Variants in HOMER2 observed in about 807,000 individuals in gnomAD.
HOMER2 encodes homer scaffold protein 2.
A neutral mutation model predicts 47.0 loss-of-function variants in HOMER2; 27 were observed. That is an observed-to-expected ratio of 0.57 (90% CI 0.42 to 0.79). HOMER2 has a LOEUF of 0.79. HOMER2 is among the 30% of genes least tolerant of loss of function. The pLI is 0.00. For missense variants in HOMER2, 443 were observed against 435.0 expected, an observed-to-expected ratio of 1.02 and a Z score of -0.16; for synonymous variants, 161 against 163.8, an observed-to-expected ratio of 0.98 and a Z score of 0.13.
chr15:82,899,101 T>C (rs1273004446), intron 1 of HOMER2, among the ~76,000 whole-genome samples: 1 of 152,202 alleles, frequency 6.6e-6, no homozygotes, highest in Admixed American at 6.5e-5. Flanking sequence ...CAGGACCAGC[T>C]CCCAGTGCTT....
In HOMER2 at chr15:82,913,379, C is replaced by T. The variant is rs990252380; in HGVS notation, c.6-20538G>A. ...TCATCTTGAAGAAGCCTGAGCTACA[C>T]GGAGAGGGTAGCTCCAGATCCTTCT... On this transcript the variant is annotated intron_variant, in intron 1 of 8. Coordinates refer to ENST00000450735, the MANE Select transcript of HOMER2 (RefSeq NM_004839.4). This position sits in a 1 kb window ranked among gnomAD's most constrained non-coding sequence, Gnocchi z 4.1. Among the ~76,000 whole-genome samples the T allele has an allele frequency of 2.6e-5, 4 of 152,028 alleles. No homozygotes were observed. The highest frequency in any genetic ancestry group is 7.2e-5 in the African/African-American group (3 of 41,396).
chr15:82,899,690 T>C (rs1479389971), intron 1 of HOMER2, among the ~76,000 whole-genome samples: 3 of 152,292 alleles, frequency 2.0e-5, no homozygotes, highest in South Asian at 2.1e-4. Flanking sequence ...ATAAAATCAG[T>C]AGCCTTCCTA....
rs576897556 is a variant in HOMER2, at chr15:82,962,091, C to A, written n.83-2783G>T. Among the ~76,000 whole-genome samples, 6 of 151,628 alleles carry A rather than the reference C, an allele frequency of 4.0e-5. No homozygotes were observed. The South Asian group carries it at 1.3e-3, about 32-fold the overall frequency. On this transcript the variant is annotated intron_variant and non_coding_transcript_variant, in intron 1 of 1. Transcript: ENST00000500334. ...CACAAACTTTTAAAAAATGTCCAGG[C>A]CGGGTGCGGTGACTCACACCCGTAA...
At chr15:82,902,383 A>G (rs779642324) in intron 1 of HOMER2, among the ~76,000 whole-genome samples, 2 of 152,026 alleles carry the variant, frequency 1.3e-5, no homozygotes, top group Non-Finnish European at 2.9e-5. Context: ...TTTTTAGTAG[A>G]GACAGGGTTT....
At chr15:82,919,575 T>C (rs112974112) in intron 1 of HOMER2, among the ~76,000 whole-genome samples, 51 of 152,336 alleles carry the variant, frequency 3.3e-4, no homozygotes, top group African/African-American at 1.1e-3. Context: ...GTTTGAGCAT[T>C]ATTTACAAAA....
At chr15:82,840,973 G>A (rs1448024823) in exon 2 of HOMER2, 1 of 151,666 alleles carries the variant, frequency 6.6e-6, no homozygotes, top group Non-Finnish European at 1.5e-5. Context: ...TTTTTAAGAA[G>A]TTAACAAACA....
rs573239590 is a variant in HOMER2 at position 82,879,675 on chromosome 15, C to T, written c.163-4271G>A. Among the ~76,000 whole-genome samples the T allele has an allele frequency of 5.3e-5, 8 of 152,254 alleles. No individual in the cohort carries two copies. The South Asian group carries it at 1.7e-3, about 32-fold the overall frequency. On this transcript the variant is annotated intron_variant, in intron 2 of 8. Transcript: ENST00000450735. ...TGCTGATGGAGGGACTTGTGTCGAT[C>T]CTGATGGTTGCTGACTGATCAGGGT...
chr15:82,929,078 T>C (rs1235142673), intron 1 of HOMER2, among the ~76,000 whole-genome samples: 4 of 151,942 alleles, frequency 2.6e-5, no homozygotes, highest in Non-Finnish European at 4.4e-5. Flanking sequence ...AATGTGGGCT[T>C]TGGGGAGCTT....
At chr15:82,955,158 T>C (rs2054576130), upstream of HOMER2, among the ~76,000 whole-genome samples, 1 of 149,992 alleles carries the variant, frequency 6.7e-6, no homozygotes, top group East Asian at 1.9e-4. Flanking sequence ...ATTTTTACTT[T>C]CTTTTTCTTT....
intron 1 of HOMER2, among the ~76,000 whole-genome samples, chr15:82,940,189 C>A (rs1031011670): frequency 7.9e-5 from 12 of 151,536 alleles, no homozygotes; most frequent in Non-Finnish European, 1.2e-4. Flanking sequence ...GCACATTGTG[C>A]ACATGTACCC....
At chr15:82,882,505 C>A (rs534162378) in intron 2 of HOMER2, among the ~76,000 whole-genome samples, 149 of 152,316 alleles carry the variant, frequency 9.8e-4, no homozygotes, top group Non-Finnish European at 1.6e-3. Flanking sequence ...CTGAAGTTTT[C>A]CCACCCACTC....
At chr15:82,894,726 G>A (rs1263322571) in intron 1 of HOMER2, among the ~76,000 whole-genome samples, 2 of 148,684 alleles carry the variant, frequency 1.3e-5, no homozygotes, top group Non-Finnish European at 3.0e-5. Flanking sequence ...GATTTAATAA[G>A]TACTTATTAG....
downstream of HOMER2, among the ~76,000 whole-genome samples, chr15:82,836,297 C>T (rs1002044851): frequency 6.6e-6 from 1 of 152,238 alleles, no homozygotes; most frequent in Non-Finnish European, 1.5e-5. Flanking sequence ...AGTCGGCCTC[C>T]AAAGCACTGC....
chr15:82,859,018 A>T lies in HOMER2; in HGVS notation c.494+11T>A. ...GGAGAAAATAGAATCTGGACTTTAAAACAGCCTTACCTCTGCGTCAAGGCA... is the reference window on the plus strand; with the variant it reads ...GGAGAAAATAGAATCTGGACTTTAATACAGCCTTACCTCTGCGTCAAGGCA... On this transcript the variant is annotated intron_variant, in intron 5 of 8. Coordinates refer to ENST00000450735, the MANE Select transcript of HOMER2 (RefSeq NM_004839.4). The T allele has an allele frequency of 6.2e-7, 1 of 1,607,740 alleles. No individual in the cohort carries two copies.
At chr15:82,983,420 C>G (rs1413660793) in intron 1 of HOMER2, among the ~76,000 whole-genome samples, 1 of 152,166 alleles carries the variant, frequency 6.6e-6, no homozygotes, top group Non-Finnish European at 1.5e-5. Context: ...GTATTTCTAA[C>G]AACTCCCTGG....
In HOMER2 at chr15:82,849,555, C is replaced by G; in HGVS notation, c.*160G>C. On this transcript the variant is annotated 3_prime_UTR_variant, in exon 9 of 9. Transcript: ENST00000450735. ...AGGCCAGAGAAGCGAGAGGAGATTT[C>G]TATTCTGAAAAGGAGTGAGTGGACG... 1 of 622,394 alleles carries G rather than the reference C, an allele frequency of 1.6e-6. No homozygotes were observed. Among genetic ancestry groups the G allele is most frequent in the South Asian group, 2.1e-5 (1 of 47,634 alleles). 38.6% of individuals were successfully genotyped at this position (622,394 alleles called of 1,614,324 possible).
At chr15:82,898,296 A>C (rs982982873) in intron 1 of HOMER2, 6 of 152,220 alleles carry the variant, frequency 3.9e-5, no homozygotes, top group Non-Finnish European at 8.8e-5. Flanking sequence ...AATCAATATA[A>C]ATAGAAAGAT....
intron 1 of HOMER2, among the ~76,000 whole-genome samples, chr15:82,967,831 C>G (rs926111163): frequency 6.6e-6 from 1 of 150,926 alleles, no homozygotes; most frequent in African/African-American, 2.4e-5. Context: ...GAGCCAAGAT[C>G]GCACCACTGC....
At chr15:82,879,666 T>C (rs553530701) in intron 2 of HOMER2, among the ~76,000 whole-genome samples, 2 of 152,354 alleles carry the variant, frequency 1.3e-5, no homozygotes, top group South Asian at 2.1e-4. Context: ...TGGAGGGACT[T>C]GTGTCGATCC....
Sources: gnomAD v4.1 joint callset for allele counts (sites outside exome capture counted in the v4.1 genomes callset) on GRCh38, gnomAD v4.1.1 for gene constraint, Gnocchi (gnomAD v3.1) non-coding constraint, MANE v1.5 for transcripts, NCBI Gene and HGNC (gene_info 2026-07-23, HGNC 2026-07-21) for gene names.